Variants in TMEM98 observed in about 807,000 individuals in gnomAD.
The protein encoded by TMEM98 is transmembrane protein 98.
A neutral mutation model predicts 25.0 loss-of-function variants in TMEM98; 18 were observed. The ratio of observed to expected loss-of-function variants is 0.72; its 90% CI spans 0.50 to 1.07. The LOEUF is 1.07. Among genes scored for constraint, TMEM98 ranks in the 50% least tolerant of loss-of-function variants. TMEM98 has a pLI of 0.00. For synonymous variants in TMEM98, 103 were observed against 112.4 expected (o/e 0.92, Z 0.53); for missense variants, 241 against 289.0 (o/e 0.83, Z 1.20).
chr17:32,939,594 A>G, intron 7 of TMEM98, 58 bp downstream of exon 7: 3 of 1,603,066 alleles, frequency 1.9e-6, no homozygotes, highest in Non-Finnish European at 1.7e-6. Context: ...CAACCGTTTT[A>G]TCAGATCTGT....
rs942655744 is a variant in TMEM98, at chr17:32,942,418, C to T, written c.*1425C>T. On this transcript the variant is annotated 3_prime_UTR_variant, in exon 8 of 8. Coordinates refer to ENST00000579849, the MANE Select transcript of TMEM98 (RefSeq NM_015544.3). ...GCATGTTTGGAGTTGCACATCTGTT[C>T]CCATGTCATTTTCTCTGTCTAACTG... is the stretch of plus-strand genomic sequence containing the variant. 6.6e-6 allele frequency: 1 copy of T among 152,232 alleles called. No homozygotes were observed. The highest frequency in any genetic ancestry group is 1.5e-5 in the Non-Finnish European group (1 of 68,050). 9.4% of individuals were successfully genotyped at this position (152,232 alleles called of 1,614,324 possible).
Position 32,931,669 on chromosome 17 carries a change from C to T in TMEM98, c.131+10C>T, listed in dbSNP as rs1173623394. On this transcript the variant is annotated intron_variant, in intron 3 of 7. Coordinates refer to ENST00000579849, the MANE Select transcript of TMEM98 (RefSeq NM_015544.3). The stretch of plus-strand genomic sequence containing the variant: ...AGCGCTATGATTCTAAGTGAGTGAG[C>T]CTATGGAGGGCAAGGAGGAGGGGTG... 1.2e-6 allele frequency: 2 copies of T among 1,603,648 alleles called. No individual in the cohort carries two copies. Among genetic ancestry groups the T allele is most frequent in the South Asian group, 1.1e-5 (1 of 88,488 alleles).
At chr17:32,939,744 A>G (rs535641540) in intron 7 of TMEM98, among the ~76,000 whole-genome samples, 1 of 152,306 alleles carries the variant, frequency 6.6e-6, no homozygotes, top group East Asian at 1.9e-4. Flanking sequence ...CCAGGAGAAG[A>G]AAGAGGCAGT....
At chr17:32,933,429 G>A (rs2151111928) in intron 4 of TMEM98, 124 bp downstream of exon 4, 1 of 1,331,650 alleles carries the variant, frequency 7.5e-7, no homozygotes, top group East Asian at 2.3e-5. Context: ...GCTCTTTCCT[G>A]TGCCTTTAGT....
At position 32,941,303 on chromosome 17, in the gene TMEM98, C is replaced by G; in HGVS notation, c.*310C>G. Reference sequence around the variant, plus strand: ...TAGTGTTTTCAAGAAAATTGAGCCACCGTCTAAGAAATCAAGAGGTTTCAC... The same window carrying G: ...TAGTGTTTTCAAGAAAATTGAGCCAGCGTCTAAGAAATCAAGAGGTTTCAC... On this transcript the variant is annotated 3_prime_UTR_variant, in exon 8 of 8. Coordinates refer to ENST00000579849, the MANE Select transcript of TMEM98 (RefSeq NM_015544.3). The G allele has an allele frequency of 4.7e-6, 1 of 212,558 alleles. No homozygotes were observed. The allele number at this position is 212,558 out of a possible 1,614,324, so 13.2% of individuals were successfully genotyped here. A position where few individuals can be genotyped will look rare whatever the true frequency, so the allele number is the denominator to read the frequency against.
Position 32,941,136 on chromosome 17 carries a change from C to G in TMEM98, c.*143C>G, listed in dbSNP as rs2091528849. The G allele has an allele frequency of 1.4e-6, 1 of 733,958 alleles. No homozygotes were observed. Among genetic ancestry groups the G allele is most frequent in the Non-Finnish European group, 2.2e-6 (1 of 462,854 alleles). The allele number at this position is 733,958 out of a possible 1,614,324, so 45.5% of individuals were successfully genotyped here. On this transcript the variant is annotated 3_prime_UTR_variant, in exon 8 of 8. Coordinates refer to ENST00000579849, the MANE Select transcript of TMEM98 (RefSeq NM_015544.3). ...GTGTGTGCATAGTAAAGCAGGAGAT[C>G]CCCGTCAGTTTATGCCTCTTTTGCA...
chr17:32,933,134 A>G (rs1227706811), intron 3 of TMEM98, 40 bp from the exon 4 acceptor site: 4 of 1,610,958 alleles, frequency 2.5e-6, no homozygotes, highest in Non-Finnish European at 2.5e-6. Flanking sequence ...AGCAGCGGTC[A>G]CCCACCATGA....
intron 4 of TMEM98, among the ~76,000 whole-genome samples, 187 bp downstream of exon 4, chr17:32,933,492 C>T (rs2091480689): frequency 1.3e-5 from 2 of 152,176 alleles, no homozygotes; most frequent in African/African-American, 4.8e-5. Flanking sequence ...CCTTCTCTCC[C>T]CACATTTTGT....
intron 6 of TMEM98, among the ~76,000 whole-genome samples, chr17:32,937,173 C>T (rs2151113601): frequency 6.6e-6 from 1 of 152,330 alleles, no homozygotes; most frequent in Middle Eastern, 3.4e-3. Flanking sequence ...CCACGTCAGC[C>T]ACCTGGCCCC....
intron 7 of TMEM98, among the ~76,000 whole-genome samples, chr17:32,939,899 G>A (rs935291976): frequency 3.3e-5 from 5 of 152,308 alleles, no homozygotes; most frequent in South Asian, 2.1e-4. Flanking sequence ...CCAGTTGGGC[G>A]GTGGGGCAGT....
chr17:32,929,056 ACACACT>A (rs1290586866), intron 1 of TMEM98, among the ~76,000 whole-genome samples: 1 of 147,912 alleles, frequency 6.8e-6, no homozygotes, highest in African/African-American at 2.6e-5. Context: ...TTCAGCTCAC[ACACACT>A]CAGAAACATA....
intron 3 of TMEM98, among the ~76,000 whole-genome samples, chr17:32,932,268 T>G (rs1238480881): frequency 6.6e-6 from 1 of 151,758 alleles, no homozygotes; most frequent in Non-Finnish European, 1.5e-5. Flanking sequence ...GCCCAGCTAA[T>G]TTTTGTATTT....
At position 32,932,499 on chromosome 17, in the gene TMEM98, A is replaced by G. The variant is rs143270518; in HGVS notation, c.132-675A>G. 4.6e-5 allele frequency among the ~76,000 whole-genome samples: 7 copies of G among 152,342 alleles called. No homozygotes were observed. In the East Asian group the frequency reaches 1.3e-3, roughly 29 times the overall value. On this transcript the variant is annotated intron_variant, in intron 3 of 7. Transcript: ENST00000579849. ...GGATATTTTAATTGATAGACCGTTC[A>G]GGGATTAACCCTTAGTTTTTCTTAT...
intron 3 of TMEM98, among the ~76,000 whole-genome samples, chr17:32,932,196 GT>G (rs1175577904): frequency 6.6e-6 from 1 of 151,464 alleles, no homozygotes; most frequent in Non-Finnish European, 1.5e-5. Context: ...CGCCTCCCGG[GT>G]TCAAGTGATT....
rs1318728005 is a variant in TMEM98, at chr17:32,942,962, C to A, written c.*1969C>A. ...CCTGCATTTTAACCTGCACTAGAGC[C>A]CTAAGCCACAGAGAAGCAGTTCTGA... On this transcript the variant is annotated 3_prime_UTR_variant, in exon 8 of 8. Transcript: ENST00000579849. 2 of 152,172 alleles carry A rather than the reference C, an allele frequency of 1.3e-5. No homozygotes were observed. Among genetic ancestry groups the A allele is most frequent in the African/African-American group, 4.8e-5 (2 of 41,428 alleles). 9.4% of individuals were successfully genotyped at this position (152,172 alleles called of 1,614,324 possible). A position where few individuals can be genotyped will look rare whatever the true frequency, so the allele number is the denominator to read the frequency against.
intron 6 of TMEM98, among the ~76,000 whole-genome samples, chr17:32,939,082 C>T (rs1027554961): frequency 6.6e-6 from 1 of 151,880 alleles, no homozygotes; most frequent in African/African-American, 2.4e-5. Flanking sequence ...GTCTGGAATA[C>T]CAAAAAAGAA....
At chr17:32,928,931 CAG>C (rs761330612) in intron 1 of TMEM98, among the ~76,000 whole-genome samples, 1 of 145,804 alleles carries the variant, frequency 6.9e-6, no homozygotes, top group Non-Finnish European at 1.5e-5. Flanking sequence ...AGCTCACACA[CAG>C]AAGCACACTC....
At chr17:32,929,242 GAA>G (rs200359410) in intron 1 of TMEM98, among the ~76,000 whole-genome samples, 23 of 151,404 alleles carry the variant, frequency 1.5e-4, no homozygotes, top group East Asian at 9.9e-4. Flanking sequence ...CACACACACA[GAA>G]ACAGAAAAAC....
In TMEM98 at chr17:32,940,951, C is replaced by G; in HGVS notation, c.639C>G (p.Leu213=). 3 of 1,613,578 alleles carry G rather than the reference C, an allele frequency of 1.9e-6. No homozygotes were observed. Among genetic ancestry groups the G allele is most frequent in the Non-Finnish European group, 2.5e-6 (3 of 1,179,926 alleles). The part of the protein sequence containing the change: ...AALASEPDKG[L]PGPEGFLQEQ... The stretch of plus-strand genomic sequence containing the variant: ...TAGCTTCTGAGCCAGATAAAGGCCT[C>G]CCAGGCCCTGAAGGCTTCCTGCAGG... Residue 213 remains leucine (L), a synonymous_variant, in exon 8 of 8, where the codon CTC becomes CTG. Coordinates refer to ENST00000579849, the MANE Select transcript of TMEM98 (RefSeq NM_015544.3).
Sources: gnomAD v4.1 joint callset for allele counts (sites outside exome capture counted in the v4.1 genomes callset) on GRCh38, gnomAD v4.1.1 for gene constraint, MANE v1.5 for transcripts, NCBI Gene and HGNC (gene_info 2026-07-23, HGNC 2026-07-21) for gene names.